CYTH4: variants seen among roughly 807,000 people sequenced by gnomAD.
CYTH4 encodes the protein cytohesin-4.
CYTH4 carries 22 observed loss-of-function variants against 57.5 expected under a neutral mutation model. The observed-to-expected ratio is 0.38, with a 90% confidence interval of 0.27 to 0.55. The LOEUF (loss-of-function observed/expected upper bound fraction) is 0.55. Ranked by LOEUF, CYTH4 falls within the 20% of genes least tolerant of loss-of-function variation. CYTH4 has a pLI of 0.74. For synonymous variants in CYTH4, 186 were observed against 206.5 expected, an observed-to-expected ratio of 0.90 and a Z score of 0.85; for missense variants, 420 against 535.6, an observed-to-expected ratio of 0.78 and a Z score of 2.13.
Position 37,284,093 on chromosome 22 carries a change from T to G in CYTH4, c.19+1505T>G, listed in dbSNP as rs564070148. ...CAGCAGCAGAGCAGGGACGAGAACC[T>G]GCGGGAGAGAGCCCCAGGTTGGCCG... On this transcript the variant is annotated intron_variant, in intron 1 of 12. Coordinates refer to ENST00000248901, the MANE Select transcript of CYTH4 (RefSeq NM_013385.5). 4.6e-5 allele frequency among the ~76,000 whole-genome samples: 7 copies of G among 152,204 alleles called. No homozygotes were observed. In the South Asian group the frequency reaches 1.5e-3, roughly 32 times the overall value.
At chr22:37,288,022 T>C (rs1342199885) in intron 1 of CYTH4, among the ~76,000 whole-genome samples, 1 of 152,048 alleles carries the variant, frequency 6.6e-6, no homozygotes, top group African/African-American at 2.4e-5. Flanking sequence ...CTCACACCTG[T>C]AATCCCAGGA....
chr22:37,295,374 ACATGCACACACACACACG>A lies in CYTH4; in HGVS notation c.168-608_168-591del, dbSNP rs1477976289. On this transcript the variant is annotated intron_variant, in intron 3 of 12. Transcript: ENST00000248901. This position sits in a 1 kb window ranked among gnomAD's most constrained non-coding sequence, Gnocchi z 4.1. ...AGCCTCCTCCCCTCCCCCACCACAC[ACATGCACACACACACACG>A]CATGCACACACACACAAGCATGCAC... Among the ~76,000 whole-genome samples, 1 of 150,294 alleles carries A rather than the reference ACATGCACACACACACACG, an allele frequency of 6.7e-6. No individual in the cohort carries two copies. Among genetic ancestry groups the A allele is most frequent in the African/African-American group, 2.5e-5 (1 of 40,220 alleles).
chr22:37,286,164 C>A (rs1179820141), intron 1 of CYTH4, among the ~76,000 whole-genome samples: 3 of 152,100 alleles, frequency 2.0e-5, no homozygotes, highest in Non-Finnish European at 4.4e-5. Flanking sequence ...AAACGTGTAA[C>A]CCCGTCAGAA....
chr22:37,299,899 G>A (rs1433769906), intron 6 of CYTH4, among the ~76,000 whole-genome samples: 1 of 152,192 alleles, frequency 6.6e-6, no homozygotes, highest in Non-Finnish European at 1.5e-5. Flanking sequence ...GCTGAGGCAG[G>A]AGAATCACCT....
chr22:37,309,530 A>T (rs1362790005), intron 9 of CYTH4, among the ~76,000 whole-genome samples: 1 of 152,132 alleles, frequency 6.6e-6, no homozygotes, highest in Non-Finnish European at 1.5e-5. Flanking sequence ...CCGAGAAGGA[A>T]GGGAGCCAGT....
chr22:37,299,962 G>A, intron 6 of CYTH4: 1 of 688,002 alleles, frequency 1.5e-6, no homozygotes. Context: ...CTGCACTCCA[G>A]CCTGGGCAAC....
chr22:37,300,408 A>G (rs1231709740), intron 6 of CYTH4: 3 of 593,700 alleles, frequency 5.1e-6, no homozygotes, highest in African/African-American at 1.9e-5. Context: ...TGAGAGATAC[A>G]GGCCCAGTTC....
At position 37,286,929 on chromosome 22, in the gene CYTH4, C is replaced by T. The variant is rs147215229; in HGVS notation, c.19+4341C>T. On this transcript the variant is annotated intron_variant, in intron 1 of 12. Transcript: ENST00000248901. ...GAAGTCCCCCTGAGCAAAGCGATAG[C>T]GGCTGGGATGACAGTGGAGCCATGG... Among the ~76,000 whole-genome samples, 905 of 152,176 alleles carry T rather than the reference C, an allele frequency of 5.9e-3. 9 individuals are homozygous for T. The highest frequency in any genetic ancestry group is 0.021 in the African/African-American group (872 of 41,504).
At chr22:37,299,199 CA>C in intron 5 of CYTH4, 26 bp from the exon 6 acceptor site, 2 of 1,562,824 alleles carry the variant, frequency 1.3e-6, no homozygotes, top group Non-Finnish European at 1.8e-6. Flanking sequence ...AAGTGTGTCC[CA>C]CCCTCCCTTC....
At chr22:37,282,611 T>C in intron 1 of CYTH4, 23 bp downstream of exon 1, 2 of 1,601,036 alleles carry the variant, frequency 1.2e-6, no homozygotes, top group Non-Finnish European at 1.7e-6. Context: ...CGTCAACCTC[T>C]CTGGGCCTCA....
rs1569114288 is a variant in CYTH4, at chr22:37,314,294, G to A, written c.*783G>A. ...GCTGACTCCGGATTCAACGTTGCTG[G>A]GGAGAGAAAAGCAGTATAGACTCCA... On this transcript the variant is annotated 3_prime_UTR_variant, in exon 13 of 13. Coordinates refer to ENST00000248901, the MANE Select transcript of CYTH4 (RefSeq NM_013385.5). 3 of 398,726 alleles carry A rather than the reference G, an allele frequency of 7.5e-6. No individual in the cohort carries two copies. Among genetic ancestry groups the A allele is most frequent in the Non-Finnish European group, 1.3e-5 (3 of 226,076 alleles). 24.7% of individuals were successfully genotyped at this position (398,726 alleles called of 1,614,324 possible).
rs746238224 is a variant in CYTH4, at chr22:37,309,300, G to A, written c.785G>A (p.Arg262Gln). 20 of 1,614,090 alleles carry A rather than the reference G, an allele frequency of 1.2e-5. No homozygotes were observed. Among genetic ancestry groups the A allele is most frequent in the Non-Finnish European group, 1.7e-5 (20 of 1,179,958 alleles). The change falls in exon 9 of 13, where the codon CGG becomes CAG. Residue 262 changes from arginine (R) to glutamine (Q), a missense_variant. By Grantham distance (43) the Arg-to-Gln change is conservative. Coordinates refer to ENST00000248901, the MANE Select transcript of CYTH4 (RefSeq NM_013385.5). ...ACTCACACCTTCTTCAATCCAGACC[G>A]GGAGGGTTGGCTGCTCAAGCTAGGT... is the stretch of plus-strand genomic sequence containing the variant. ...DLTHTFFNPDREGWLLKLGGR... is the reference protein window; with the variant it reads ...DLTHTFFNPDQEGWLLKLGGR...
chr22:37,309,368 C>T lies in CYTH4; in HGVS notation c.808+45C>T, dbSNP rs199573505. 3.7e-4 allele frequency: 571 copies of T among 1,540,702 alleles called. 8 individuals carry two copies. In the Admixed American group the frequency reaches 6.4e-3, roughly 17 times the overall value. ...ACGTCGTCGCACACACACTCATGCA[C>T]GCGCGGGCACACATCGTTGCATGCA... On this transcript the variant is annotated intron_variant, in intron 9 of 12. Coordinates refer to ENST00000248901, the MANE Select transcript of CYTH4 (RefSeq NM_013385.5).
chr22:37,310,010 C>T (rs1333368572), intron 9 of CYTH4: 8 of 469,488 alleles, frequency 1.7e-5, no homozygotes, highest in Middle Eastern at 3.3e-4. Flanking sequence ...ACAGCCAAGC[C>T]GGGGACAGCG....
At chr22:37,285,536 G>A (rs1000506592) in intron 1 of CYTH4, among the ~76,000 whole-genome samples, 10 of 152,000 alleles carry the variant, frequency 6.6e-5, no homozygotes, top group South Asian at 2.1e-4. Context: ...TGAAACCCCC[G>A]TCTCTACTAA....
At position 37,292,641 on chromosome 22, in the gene CYTH4, G is replaced by A. The variant is rs201471657; in HGVS notation, c.40G>A (p.Gly14Arg). The A allele has an allele frequency of 3.9e-5, 63 of 1,613,772 alleles. No individual in the cohort carries two copies. Among genetic ancestry groups the A allele is most frequent in the Middle Eastern group, 1.6e-4 (1 of 6,082 alleles). The change falls in exon 2 of 13, where the codon GGG (glycine) becomes AGG (arginine). Residue 14 changes from glycine to arginine, a missense_variant. Gly to Arg is a moderately radical substitution (Grantham distance 125, BLOSUM62 -2). Transcript: ENST00000248901. Reference sequence around the variant, plus strand: ...TGTAGAGCCCGCGGAGCTGAGCAGCGGGGAGACGGAAGAGTTACAGAGGAT... The same window carrying A: ...TGTAGAGCCCGCGGAGCTGAGCAGCAGGGAGACGGAAGAGTTACAGAGGAT... ...CHPEPAELSS[G>R]ETEELQRIKW...
chr22:37,299,144 C>T (rs1483242024), intron 5 of CYTH4, 82 bp from the exon 6 acceptor site: 7 of 997,326 alleles, frequency 7.0e-6, no homozygotes, highest in African/African-American at 3.2e-5. Context: ...TCCTCTCCCT[C>T]CCCCACCTCA....
Position 37,311,099 on chromosome 22 carries a change from C to A in CYTH4, c.885+35C>A. On this transcript the variant is annotated intron_variant, in intron 10 of 12. Transcript: ENST00000248901. The surrounding 1 kb of genome is among the most constrained non-coding windows in gnomAD (Gnocchi z 4.4). Reference sequence around the variant, plus strand: ...GTTCTCCTGGGCCTTCCCCTGCCCCCGCCTCTCCCCGCACAACCCACTTCC... The same window carrying A: ...GTTCTCCTGGGCCTTCCCCTGCCCCAGCCTCTCCCCGCACAACCCACTTCC... The A allele has an allele frequency of 6.2e-7, 1 of 1,608,198 alleles. No individual in the cohort carries two copies. The highest frequency in any genetic ancestry group is 1.1e-5 in the South Asian group (1 of 90,902).
In CYTH4 at chr22:37,311,501, C is replaced by A. The variant is rs755876561; in HGVS notation, c.931C>A (p.Gln311Lys). The A allele has an allele frequency of 1.2e-6, 2 of 1,614,050 alleles. No individual in the cohort carries two copies. The highest frequency in any genetic ancestry group is 3.3e-5 in the Admixed American group (2 of 60,018). Residue 311 changes from glutamine (Q) to lysine (K), a missense_variant, in exon 11 of 13, where the codon CAG becomes AAG. By Grantham distance (53) the Gln-to-Lys change is moderately conservative. Coordinates refer to ENST00000248901, the MANE Select transcript of CYTH4 (RefSeq NM_013385.5). This position sits in a 1 kb window ranked among gnomAD's most constrained non-coding sequence, Gnocchi z 4.4. ...TATACCTCTTGAGAACCTCTCGGTG[C>A]AGAAGGTGGATGACCCCAAGAAGCC... ...GIIPLENLSVQKVDDPKKPFC... is the reference protein window; with the variant it reads ...GIIPLENLSVKKVDDPKKPFC...
Sources: gnomAD v4.1 joint callset for allele counts (sites outside exome capture counted in the v4.1 genomes callset) on GRCh38, gnomAD v4.1.1 for gene constraint, Gnocchi (gnomAD v3.1) non-coding constraint, MANE v1.5 for transcripts, NCBI Gene and HGNC (gene_info 2026-07-23, HGNC 2026-07-21) for gene names.